The following SEC24C variants were observed in gnomAD, a reference collection of about 807,000 sequenced individuals.
SEC24C encodes the protein SEC24 homolog C, COPII component, also known as protein transport protein Sec24C.
Under a neutral mutation model 117.0 loss-of-function variants are expected in SEC24C, and 22 were observed. The observed-to-expected ratio is 0.19, with a 90% CI of 0.13 to 0.27. SEC24C has a LOEUF of 0.27. Ranked by LOEUF, SEC24C falls within the 10% of genes least tolerant of loss-of-function variation. The pLI is 1.00. For missense variants in SEC24C, 1,155 were observed against 1,375.1 expected (o/e 0.84, Z 2.53); for synonymous variants, 506 against 529.4 (o/e 0.96, Z 0.61).
At chr10:73,757,376 G>T (rs955539566) in intron 3 of SEC24C, among the ~76,000 whole-genome samples, 6 of 147,392 alleles carry the variant, frequency 4.1e-5, no homozygotes, top group Admixed American at 3.4e-4. Flanking sequence ...AAAAAAAATA[G>T]CTGAGCATTG....
Position 73,746,860 on chromosome 10 carries a change from G to C in SEC24C, c.28G>C (p.Val10Leu). 2 of 1,611,938 alleles carry C rather than the reference G, an allele frequency of 1.2e-6. No homozygotes were observed. Among genetic ancestry groups the C allele is most frequent in the South Asian group, 2.2e-5 (2 of 90,468 alleles). The change falls in exon 2 of 23, where the codon GTG (valine) becomes CTG (leucine). Residue 10 changes from valine (V) to leucine (L), a missense_variant. Transcript: ENST00000345254. ...GAACGTCAACCAGTCAGTTCCACCT[G>C]TGCCACCATTTGGGCAGCCCCAGCC... MNVNQSVPP[V>L]PPFGQPQPIY... is the part of the protein sequence containing the mutation.
Position 73,763,667 on chromosome 10 carries a change from C to CTTTTTTTTTTTTTTT in SEC24C, c.1099+84_1099+98dup, listed in dbSNP as rs71021569. 56 of 60,494 alleles carry CTTTTTTTTTTTTTTT rather than the reference C, an allele frequency of 9.3e-4. 11 individuals are homozygous for CTTTTTTTTTTTTTTT. The highest frequency in any genetic ancestry group is 1.4e-3 in the Non-Finnish European group (46 of 32,738). The allele number at this position is 60,494 out of a possible 1,614,324, so 3.7% of individuals were successfully genotyped here. On this transcript the variant is annotated intron_variant, in intron 7 of 22. Coordinates refer to ENST00000345254, the MANE Select transcript of SEC24C (RefSeq NM_198597.3). The stretch of plus-strand genomic sequence containing the variant: ...CAAGATTATCAGCTTATGGTTGGGG[C>CTTTTTTTTTTTTTTT]TTTTTTTTTTTTTTTTTTTTTTTTT...
At chr10:73,751,543 C>T (rs943511831) in intron 3 of SEC24C, among the ~76,000 whole-genome samples, 8 of 151,646 alleles carry the variant, frequency 5.3e-5, no homozygotes, top group South Asian at 4.2e-4. Flanking sequence ...AGTGAGACTC[C>T]GTCTCATAAA....
chr10:73,770,167 C>T (rs2082952092), intron 20 of SEC24C, 113 bp from the exon 21 acceptor site: 3 of 1,263,800 alleles, frequency 2.4e-6, no homozygotes, highest in African/African-American at 1.5e-5. Flanking sequence ...GTTACTGAGA[C>T]CCCAGAAGGG....
At chr10:73,757,781 G>A (rs998009703) in intron 3 of SEC24C, among the ~76,000 whole-genome samples, 3 of 151,460 alleles carry the variant, frequency 2.0e-5, no homozygotes, top group African/African-American at 7.3e-5. Flanking sequence ...GTGTGGTGGT[G>A]TGTGCCTGTG....
At chr10:73,745,643 G>A (rs1414366267) in intron 1 of SEC24C, among the ~76,000 whole-genome samples, 1 of 151,640 alleles carries the variant, frequency 6.6e-6, no homozygotes, top group Non-Finnish European at 1.5e-5. Context: ...CCGCCTCCCG[G>A]GTTCAAGCGA....
At chr10:73,744,934 C>T (rs776531413) in intron 1 of SEC24C, among the ~76,000 whole-genome samples, 1 of 152,140 alleles carries the variant, frequency 6.6e-6, no homozygotes, top group Non-Finnish European at 1.5e-5. Flanking sequence ...TTCTTTACCC[C>T]TCCCCCCGGC....
Position 73,759,627 on chromosome 10 carries a change from C to T in SEC24C, c.314C>T (p.Pro105Leu), listed in dbSNP as rs1589519826. 1 of 1,519,832 alleles carries T rather than the reference C, an allele frequency of 6.6e-7. No homozygotes were observed. The highest frequency in any genetic ancestry group is 8.8e-7 in the Non-Finnish European group (1 of 1,135,074). The allele number at this position is 1,519,832 out of a possible 1,614,324, so 94.1% of individuals were successfully genotyped here. Reference sequence around the variant, plus strand: ...TGCTTGCTTTCTTTTCACAGGCTGCCTGGGTCTCAGCCATTTGGGTCCCCA... The same window carrying T: ...TGCTTGCTTTCTTTTCACAGGCTGCTTGGGTCTCAGCCATTTGGGTCCCCA... The part of the protein sequence containing the change: ...PSSTVQMQRL[P>L]GSQPFGSPLA... The change falls in exon 4 of 23, where the codon CCT (proline) becomes CTT (leucine). Residue 105 changes from proline to leucine, a missense_variant. Pro to Leu is a moderately conservative substitution (Grantham distance 98). Transcript: ENST00000345254.
chr10:73,748,230 G>T (rs1393896190), intron 2 of SEC24C, among the ~76,000 whole-genome samples: 1 of 151,870 alleles, frequency 6.6e-6, no homozygotes, highest in Non-Finnish European at 1.5e-5. Flanking sequence ...CCGCCTCCCA[G>T]ATTCAAGCAA....
intron 2 of SEC24C, 116 bp from the exon 3 acceptor site, chr10:73,750,992 A>T: frequency 1.8e-6 from 2 of 1,101,382 alleles, no homozygotes; most frequent in Non-Finnish European, 2.6e-6. Flanking sequence ...CACTGCCTAA[A>T]CTGTGGTATT....
chr10:73,765,187 C>T (rs1317441358), intron 8 of SEC24C, among the ~76,000 whole-genome samples: 1 of 152,200 alleles, frequency 6.6e-6, no homozygotes, highest in Non-Finnish European at 1.5e-5. Flanking sequence ...TCTGATATGG[C>T]CGGTTTTGCA....
In SEC24C at chr10:73,765,580, A is replaced by G. The variant is rs1230789035; in HGVS notation, c.1357A>G (p.Ile453Val). 3 of 1,613,586 alleles carry G rather than the reference A, an allele frequency of 1.9e-6. No homozygotes were observed. The highest frequency in any genetic ancestry group is 2.5e-6 in the Non-Finnish European group (3 of 1,179,592). Residue 453 changes from isoleucine to valine, a missense_variant, in exon 9 of 23, where the codon ATC (isoleucine) becomes GTC (valine). Ile to Val is a conservative substitution (Grantham distance 29). Around this residue, in one of 2 missense-constraint regions of SEC24C, gnomAD observed 759 missense variants for 992.3 expected, o/e 0.76. Coordinates refer to ENST00000345254, the MANE Select transcript of SEC24C (RefSeq NM_198597.3). ...TTTCCAGTGCTGTTTTTGCAGCTGTATCAATGATGGTATGTTCATGGAAGC... is the reference window on the plus strand; with the variant it reads ...TTTCCAGTGCTGTTTTTGCAGCTGTGTCAATGATGGTATGTTCATGGAAGC... ...RRFQCCFCSC[I>V]NDVPPQYFQH... is the part of the protein sequence containing the mutation.
chr10:73,770,546 G>A (rs2082962223), intron 21 of SEC24C, 75 bp downstream of exon 21: 1 of 1,548,858 alleles, frequency 6.5e-7, no homozygotes, highest in Non-Finnish European at 8.9e-7. Context: ...AATATAGTTA[G>A]TGTGCTAGTA....
intron 6 of SEC24C, 50 bp from the exon 7 acceptor site, chr10:73,763,440 C>A: frequency 7.6e-7 from 1 of 1,309,144 alleles, no homozygotes; most frequent in Non-Finnish European, 1.1e-6. Flanking sequence ...ACTCTGGGAC[C>A]TCACACTTCC....
intron 6 of SEC24C, 63 bp downstream of exon 6, chr10:73,760,912 TAGATGAA>T: frequency 6.8e-7 from 1 of 1,465,446 alleles, no homozygotes; most frequent in East Asian, 2.4e-5. Flanking sequence ...CAGGTCAATC[TAGATGAA>T]ATGTTTGCCT....
Position 73,760,763 on chromosome 10 carries a change from C to T in SEC24C, c.901C>T (p.Pro301Ser), listed in dbSNP as rs2082785476. ...GPQSNYGGPY[P>S]AAPTFGSQPG... ...TCAGTCTAATTATGGAGGCCCCTACCCAGCAGCACCCACCTTTGGCAGTCA... is the reference window on the plus strand; with the variant it reads ...TCAGTCTAATTATGGAGGCCCCTACTCAGCAGCACCCACCTTTGGCAGTCA... Residue 301 changes from proline to serine, a missense_variant, in exon 6 of 23, where the codon CCA becomes TCA. By Grantham distance (74) the Pro-to-Ser change is moderately conservative (BLOSUM62 -1). Transcript: ENST00000345254. The T allele has an allele frequency of 4.3e-6, 7 of 1,614,060 alleles. No homozygotes were observed. The East Asian group carries it at 1.6e-4, about 36-fold the overall frequency.
chr10:73,747,996 TG>T (rs1412098901), intron 2 of SEC24C, among the ~76,000 whole-genome samples: 1 of 151,962 alleles, frequency 6.6e-6, no homozygotes, highest in African/African-American at 2.4e-5. Context: ...GTTTTACCAG[TG>T]GCCAGGAAGG....
Position 73,770,752 on chromosome 10 carries a change from G to A in SEC24C, c.3098G>A (p.Arg1033Gln), listed in dbSNP as rs750208278. 40 of 1,614,014 alleles carry A rather than the reference G, an allele frequency of 2.5e-5. No homozygotes were observed. Among genetic ancestry groups the A allele is most frequent in the Admixed American group, 1.2e-4 (7 of 60,000 alleles). Residue 1033 changes from arginine (R) to glutamine (Q), a missense_variant, in exon 22 of 23, where the codon CGA becomes CAA. Coordinates refer to ENST00000345254, the MANE Select transcript of SEC24C (RefSeq NM_198597.3). ...VLDNPLSKKV[R>Q]GLIDSLRAQR... is the part of the protein sequence containing the mutation. ...GATAATCCACTGTCCAAGAAGGTTC[G>A]AGGCCTCATTGATAGCTTACGGGCA... is the stretch of plus-strand genomic sequence containing the variant.
Position 73,760,396 on chromosome 10 carries a change from T to C in SEC24C, c.850+10T>C. 2 of 1,575,100 alleles carry C rather than the reference T, an allele frequency of 1.3e-6. No homozygotes were observed. Among genetic ancestry groups the C allele is most frequent in the Non-Finnish European group, 1.7e-6 (2 of 1,162,316 alleles). On this transcript the variant is annotated intron_variant, in intron 5 of 22. Transcript: ENST00000345254. ...CAGCCCCAACAAAATGGTGAGTCTT[T>C]CCCAAGGTCTGTCTTAGAAGCTAGA...
Sources: allele counts gnomAD v4.1 joint callset (sites outside exome capture counted in the v4.1 genomes callset), GRCh38; gene constraint gnomAD v4.1.1; regional missense constraint gnomAD v4.1.1; transcripts MANE v1.5; gene names NCBI Gene and HGNC (gene_info 2026-07-23, HGNC 2026-07-21).